KIF21B: variants seen among roughly 807,000 people sequenced by gnomAD.
The protein encoded by KIF21B is kinesin family member 21B.
A neutral mutation model predicts 192.9 loss-of-function variants in KIF21B; 85 were observed. That is an observed-to-expected ratio of 0.44 (90% confidence interval 0.37 to 0.53). KIF21B has a LOEUF of 0.53. Ranked by LOEUF, KIF21B falls within the 20% of genes least tolerant of loss-of-function variation. The pLI is 0.00. For missense variants in KIF21B, 1,716 were observed against 2,194.8 expected (o/e 0.78, Z 4.36); for synonymous variants, 832 against 884.6 (o/e 0.94, Z 1.05).
intron 1 of KIF21B, among the ~76,000 whole-genome samples, chr1:201,013,214 G>T (rs1322539405): frequency 6.6e-6 from 1 of 152,192 alleles, no homozygotes; most frequent in African/African-American, 2.4e-5. Context: ...CATGAGACCA[G>T]GGTCCTTGCC....
chr1:200,997,325 A>T (rs1657127856), intron 14 of KIF21B, among the ~76,000 whole-genome samples: 1 of 152,036 alleles, frequency 6.6e-6, no homozygotes, highest in South Asian at 2.1e-4. Context: ...GGCACATGGC[A>T]CCCTTATGGC....
chr1:200,995,720 G>A (rs988050962), intron 15 of KIF21B, among the ~76,000 whole-genome samples: 12 of 152,198 alleles, frequency 7.9e-5, no homozygotes, highest in Non-Finnish European at 1.8e-4. Context: ...CTTTCAAGAG[G>A]TTCTTCTAAG....
chr1:201,009,423 C>A lies in KIF21B; in HGVS notation c.107G>T (p.Gly36Val). The A allele has an allele frequency of 6.2e-7, 1 of 1,614,242 alleles. No homozygotes were observed. ...GCHICTSVTP[G>V]EPQVLLGKDK... The stretch of plus-strand genomic sequence containing the variant: ...CTTCCCCAGCAGGACCTGGGGCTCT[C>A]CCGGGGTAACAGAGGTACAGATGTG... The change falls in exon 2 of 35, where the codon GGA (glycine) becomes GTA (valine). Residue 36 changes from glycine (G) to valine (V), a missense_variant. Transcript: ENST00000461742.
At chr1:200,978,441 A>G (rs1655708671) in intron 30 of KIF21B, among the ~76,000 whole-genome samples, 1 of 151,492 alleles carries the variant, frequency 6.6e-6, no homozygotes, top group Admixed American at 6.6e-5. Context: ...GATTTCTCAC[A>G]TGCCCCTGCT....
chr1:201,021,355 G>A (rs1478493623), intron 1 of KIF21B, among the ~76,000 whole-genome samples: 6 of 152,198 alleles, frequency 3.9e-5, no homozygotes, highest in Non-Finnish European at 7.3e-5. Flanking sequence ...AGGAGTGGGC[G>A]GGGCCCTTAC....
rs988638214 is a variant in KIF21B, at chr1:201,014,307, G to T, written c.42-4819C>A. ...TGACCCCACCCCCTGCCCCTGACCC[G>T]CTGGGTGCCTGCGGTGGCAGCGGGA... On this transcript the variant is annotated intron_variant, in intron 1 of 34. Transcript: ENST00000461742. Among the ~76,000 whole-genome samples, 5 of 152,212 alleles carry T rather than the reference G, an allele frequency of 3.3e-5. No individual in the cohort carries two copies. The East Asian group carries it at 9.6e-4, about 29-fold the overall frequency.
intron 23 of KIF21B, 52 bp from the exon 24 acceptor site, chr1:200,988,405 G>C: frequency 1.2e-6 from 2 of 1,611,824 alleles, no homozygotes; most frequent in South Asian, 1.1e-5. Context: ...CCAAATTCAG[G>C]CTCAGCCCTG....
In KIF21B at chr1:200,972,033, A is replaced by T. The variant is rs1394057766; in HGVS notation, c.*1488T>A. The T allele has an allele frequency of 1.3e-5, 2 of 151,610 alleles. No individual in the cohort carries two copies. The highest frequency in any genetic ancestry group is 2.9e-5 in the Non-Finnish European group (2 of 67,892). 9.4% of individuals were successfully genotyped at this position (151,610 alleles called of 1,614,324 possible). On this transcript the variant is annotated 3_prime_UTR_variant, in exon 35 of 35. Coordinates refer to ENST00000461742, the MANE Select transcript of KIF21B (RefSeq NM_001252102.2). ...AAGCACAAGACCAGCGATGCAACGG[A>T]AAAACAGGGTGGGCAACTTTGGGTG...
intron 34 of KIF21B, chr1:200,973,904 G>A: frequency 6.7e-7 from 1 of 1,483,854 alleles, no homozygotes; most frequent in South Asian, 1.4e-5. Context: ...GTTCATGCTT[G>A]GAAAAGGACG....
At chr1:201,002,781 C>T (rs556870144) in intron 8 of KIF21B, 1 of 161,560 alleles carries the variant, frequency 6.2e-6, no homozygotes, top group East Asian at 1.8e-4. Context: ...GCCCCTATGC[C>T]TCTCCAGCCA....
In KIF21B at chr1:200,982,754, T is replaced by A. The variant is rs1306684732; in HGVS notation, c.3842+302A>T. ...CAGCCCAGCATCCCCTAGGCCTCCA[T>A]GCTGCGCCCCTCCCTGCCCAGGTGA... is the stretch of plus-strand genomic sequence containing the variant. On this transcript the variant is annotated intron_variant, in intron 28 of 34. Coordinates refer to ENST00000461742, the MANE Select transcript of KIF21B (RefSeq NM_001252102.2). This position sits in a 1 kb window ranked among gnomAD's most constrained non-coding sequence, Gnocchi z 4.7. Among the ~76,000 whole-genome samples the A allele has an allele frequency of 1.3e-5, 2 of 152,108 alleles. No individual in the cohort carries two copies. Among genetic ancestry groups the A allele is most frequent in the African/African-American group, 2.4e-5 (1 of 41,422 alleles).
intron 16 of KIF21B, among the ~76,000 whole-genome samples, chr1:200,991,950 C>T (rs1420052388): frequency 6.6e-6 from 1 of 152,274 alleles, no homozygotes; most frequent in African/African-American, 2.4e-5. Flanking sequence ...TTCTTCCCTC[C>T]AGTGAGGAGG....
rs1251525474 is a variant in KIF21B, at chr1:200,992,389, C to G, written c.2278G>C (p.Val760Leu). 6.2e-7 allele frequency: 1 copy of G among 1,612,522 alleles called. No individual in the cohort carries two copies. Among genetic ancestry groups the G allele is most frequent in the Admixed American group, 1.7e-5 (1 of 60,030 alleles). ...AEVAEMKKAKVALMKQMREEQ... is the reference protein window; with the variant it reads ...AEVAEMKKAKLALMKQMREEQ... ...TCACGCATCTGCTTCATCAGGGCCA[C>G]CTGGGATGGGCAGAGATTATGGTGG... is the stretch of plus-strand genomic sequence containing the variant. Residue 760 changes from valine (V) to leucine (L), a missense_variant and splice_region_variant, in exon 16 of 35, where the codon GTG becomes CTG. By Grantham distance (32) the Val-to-Leu change is conservative. This residue lies in a region of KIF21B where 1,087 missense variants were observed against 1,316.6 expected (regional missense o/e 0.83). Transcript: ENST00000461742.
chr1:200,983,039 A>T lies in KIF21B; in HGVS notation c.3842+17T>A, dbSNP rs567358017. On this transcript the variant is annotated intron_variant, in intron 28 of 34. Transcript: ENST00000461742. ...GTGAGAGTGGGGAACCAAACACGAGAGACATTCTGTGTGTACCTCAGGACC... is the reference window on the plus strand; with the variant it reads ...GTGAGAGTGGGGAACCAAACACGAGTGACATTCTGTGTGTACCTCAGGACC... The T allele has an allele frequency of 2.0e-6, 3 of 1,535,544 alleles. No individual in the cohort carries two copies. The highest frequency in any genetic ancestry group is 2.6e-6 in the Non-Finnish European group (3 of 1,146,404).
chr1:201,011,457 A>G (rs1381850329), intron 1 of KIF21B, among the ~76,000 whole-genome samples: 1 of 152,260 alleles, frequency 6.6e-6, no homozygotes, highest in South Asian at 2.1e-4. Flanking sequence ...GCTTGAACCT[A>G]TGCAGTCTGC....
At chr1:201,007,059 C>T (rs1376336928) in intron 3 of KIF21B, among the ~76,000 whole-genome samples, 1 of 136,734 alleles carries the variant, frequency 7.3e-6, no homozygotes, top group Non-Finnish European at 1.5e-5. Context: ...GACACACACA[C>T]ACACAGACAC....
chr1:201,018,089 G>A (rs2102481710), intron 1 of KIF21B, among the ~76,000 whole-genome samples: 1 of 152,272 alleles, frequency 6.6e-6, no homozygotes, highest in African/African-American at 2.4e-5. Flanking sequence ...TAAGAGGGAG[G>A]GGCACAGAAG....
intron 29 of KIF21B, among the ~76,000 whole-genome samples, chr1:200,980,068 C>A (rs1411466147): frequency 2.6e-5 from 4 of 152,090 alleles, no homozygotes; most frequent in Non-Finnish European, 5.9e-5. Flanking sequence ...TAATTGCTGA[C>A]AAAGCAAATG....
chr1:201,005,325 ACATGCG>A lies in KIF21B; in HGVS notation c.709_714del (p.Arg237_Met238del), dbSNP rs769576880. On this transcript the variant is annotated inframe_deletion, in exon 5 of 35. Coordinates refer to ENST00000461742, the MANE Select transcript of KIF21B (RefSeq NM_001252102.2). ...CTCCTCACCAGGTCGGGCTGGGTGC[ACATGCG>A]CATCTGGCACAGGTGGATGGTGAAG... 3 of 1,607,354 alleles carry A rather than the reference ACATGCG, an allele frequency of 1.9e-6. No homozygotes were observed. Among genetic ancestry groups the A allele is most frequent in the Admixed American group, 1.7e-5 (1 of 59,414 alleles).
Sources: allele counts gnomAD v4.1 joint callset (sites outside exome capture counted in the v4.1 genomes callset), GRCh38; gene constraint gnomAD v4.1.1; regional missense constraint gnomAD v4.1.1; non-coding constraint Gnocchi (gnomAD v3.1); transcripts MANE v1.5; gene names NCBI Gene and HGNC (gene_info 2026-07-23, HGNC 2026-07-21).